Variants in LYN observed in about 807,000 individuals in gnomAD.
LYN encodes LYN proto-oncogene, Src family tyrosine kinase, also known as tyrosine-protein kinase Lyn.
In LYN, 12 loss-of-function variants were observed where a neutral mutation model predicts 65.0. The observed-to-expected ratio is 0.18, with a 90% CI of 0.12 to 0.30. The LOEUF is 0.30. Among genes scored for constraint, LYN ranks in the 10% least tolerant of loss-of-function variants. LYN has a pLI of 1.00. For synonymous variants in LYN, 222 were observed against 221.2 expected (o/e 1.00, Z -0.03); for missense variants, 380 against 623.2 (o/e 0.61, Z 4.16).
At chr8:55,941,103 C>T (rs756657961) in intron 1 of LYN, among the ~76,000 whole-genome samples, 34 of 152,318 alleles carry the variant, frequency 2.2e-4, no homozygotes, top group Admixed American at 5.2e-4. Flanking sequence ...TAGGCCCCTA[C>T]CTATGTTTAG....
chr8:55,922,864 A>G (rs1435224657), intron 1 of LYN, among the ~76,000 whole-genome samples: 1 of 152,202 alleles, frequency 6.6e-6, no homozygotes, highest in Non-Finnish European at 1.5e-5. Flanking sequence ...AGGCAACCTC[A>G]GCAACCTGGG....
intron 1 of LYN, among the ~76,000 whole-genome samples, chr8:55,940,525 G>A (rs929945830): frequency 6.6e-6 from 1 of 152,128 alleles, no homozygotes; most frequent in Non-Finnish European, 1.5e-5. Context: ...ACAGGCGTGT[G>A]CCACCACGCC....
intron 1 of LYN, among the ~76,000 whole-genome samples, chr8:55,931,907 A>G (rs1806281858): frequency 2.0e-5 from 3 of 152,232 alleles, no homozygotes; most frequent in South Asian, 4.1e-4. Flanking sequence ...AGTTCTTCAA[A>G]TGACATATCA....
At chr8:55,999,939 C>G (rs1563329563) in intron 12 of LYN, among the ~76,000 whole-genome samples, 1 of 151,250 alleles carries the variant, frequency 6.6e-6, no homozygotes, top group Admixed American at 6.6e-5. Flanking sequence ...CCATTCCACT[C>G]CAGCCTACAC....
chr8:56,003,607 A>G (rs1253196228), intron 12 of LYN, among the ~76,000 whole-genome samples: 3 of 151,926 alleles, frequency 2.0e-5, no homozygotes, highest in Admixed American at 6.6e-5. Context: ...CCCAGGAGAC[A>G]GAAGTTGCAG....
At position 55,980,061 on chromosome 8, in the gene LYN, C is replaced by T. The variant is rs527306125; in HGVS notation, c.1050+10268C>T. Among the ~76,000 whole-genome samples, 27 of 152,316 alleles carry T rather than the reference C, an allele frequency of 1.8e-4. 1 individual carries two copies. The Middle Eastern group carries it at 0.014, about 77-fold the overall frequency. On this transcript the variant is annotated intron_variant, in intron 10 of 12. Transcript: ENST00000519728. ...TTCCACCTAGGCAGGCCACAGTCCC[C>T]GGGAGGTGGCCACACAGGGTCCCCC...
At chr8:55,972,002 G>A (rs1408989367) in intron 10 of LYN, among the ~76,000 whole-genome samples, 1 of 152,144 alleles carries the variant, frequency 6.6e-6, no homozygotes, top group Non-Finnish European at 1.5e-5. Context: ...TCGGTGACAG[G>A]AGGGCCTGGG....
intron 1 of LYN, among the ~76,000 whole-genome samples, chr8:55,883,837 G>T (rs2130345852): frequency 2.0e-5 from 3 of 152,000 alleles, no homozygotes; most frequent in African/African-American, 7.2e-5. Context: ...ATGAAGAGAA[G>T]AACATGGAAG....
At chr8:56,007,281 A>G (rs1459931549) in intron 12 of LYN, among the ~76,000 whole-genome samples, 1 of 152,238 alleles carries the variant, frequency 6.6e-6, no homozygotes, top group African/African-American at 2.4e-5. Context: ...GCAGAAGTAT[A>G]CACAAATCTT....
chr8:55,920,145 T>C (rs1805903182), intron 1 of LYN, among the ~76,000 whole-genome samples: 3 of 152,106 alleles, frequency 2.0e-5, no homozygotes, highest in Admixed American at 2.0e-4. Context: ...AGCAGATTAA[T>C]TGTGGGAAGG....
chr8:55,914,187 C>G (rs1805721318), intron 1 of LYN, among the ~76,000 whole-genome samples: 1 of 151,366 alleles, frequency 6.6e-6, no homozygotes, highest in Admixed American at 6.6e-5. Flanking sequence ...CAGGCCAGGT[C>G]AGAGGGTTTT....
intron 10 of LYN, among the ~76,000 whole-genome samples, chr8:55,981,677 G>A (rs1337774394): frequency 6.6e-6 from 1 of 152,038 alleles, no homozygotes; most frequent in Non-Finnish European, 1.5e-5. Context: ...TTTTGAAAAG[G>A]TTTTCTGAGT....
intron 1 of LYN, among the ~76,000 whole-genome samples, chr8:55,914,436 T>G (rs1163723527): frequency 6.6e-6 from 1 of 152,052 alleles, no homozygotes; most frequent in Non-Finnish European, 1.5e-5. Context: ...GAGAAGGCAC[T>G]TATTTGCTCA....
chr8:55,999,920 G>A (rs1315879401), intron 12 of LYN, among the ~76,000 whole-genome samples: 1 of 151,302 alleles, frequency 6.6e-6, no homozygotes, highest in East Asian at 2.0e-4. Flanking sequence ...GCAGTGAGCT[G>A]AGATCGCGCC....
chr8:55,882,206 C>T (rs374901357), intron 1 of LYN, among the ~76,000 whole-genome samples: 1 of 152,008 alleles, frequency 6.6e-6, no homozygotes, highest in Non-Finnish European at 1.5e-5. Context: ...GGTAGTTGGC[C>T]CAATCCAGAA....
chr8:55,987,885 T>C (rs1248837358), intron 10 of LYN, among the ~76,000 whole-genome samples: 1 of 152,224 alleles, frequency 6.6e-6, no homozygotes, highest in Non-Finnish European at 1.5e-5. Flanking sequence ...ACCTACTTTA[T>C]GGGCTTATTT....
intron 12 of LYN, among the ~76,000 whole-genome samples, chr8:56,009,134 A>G (rs2130603093): frequency 6.6e-6 from 1 of 152,350 alleles, no homozygotes; most frequent in Non-Finnish European, 1.5e-5. Context: ...ATATGTGGTA[A>G]AATTATTTTT....
chr8:55,979,996 C>T (rs1239162470), intron 10 of LYN, among the ~76,000 whole-genome samples: 1 of 152,212 alleles, frequency 6.6e-6, no homozygotes, highest in Non-Finnish European at 1.5e-5. Flanking sequence ...TCCAGAGGCC[C>T]TGCCCCAGTA....
At chr8:55,904,580 G>T (rs1477592073) in intron 1 of LYN, among the ~76,000 whole-genome samples, 1 of 152,020 alleles carries the variant, frequency 6.6e-6, no homozygotes, top group East Asian at 1.9e-4. Context: ...TGCAGATCAT[G>T]CACCTATAAA....
Sources: gnomAD v4.1 joint callset for allele counts (sites outside exome capture counted in the v4.1 genomes callset) on GRCh38, gnomAD v4.1.1 for gene constraint, MANE v1.5 for transcripts, NCBI Gene and HGNC (gene_info 2026-07-23, HGNC 2026-07-21) for gene names.